GMDS: variants seen among roughly 807,000 people sequenced by gnomAD.
GMDS encodes GDP-mannose 4,6 dehydratase.
GMDS carries 20 observed loss-of-function variants against 49.9 expected under a neutral mutation model. The observed-to-expected ratio is 0.40, with a 90% confidence interval of 0.28 to 0.58. The LOEUF is 0.58. GMDS is among the 20% of genes least tolerant of loss of function. The pLI is 0.42. For synonymous variants in GMDS, 177 were observed against 178.6 expected (o/e 0.99, Z 0.07); for missense variants, 362 against 481.4 (o/e 0.75, Z 2.32).
chr6:1,746,041 T>C (rs1173127631), intron 7 of GMDS, among the ~76,000 whole-genome samples: 2 of 152,214 alleles, frequency 1.3e-5, no homozygotes, highest in Non-Finnish European at 2.9e-5. Context: ...ATGTGCTCCA[T>C]TGATTCCCTG....
chr6:2,021,799 G>C (rs1432928936), intron 4 of GMDS, among the ~76,000 whole-genome samples: 2 of 152,182 alleles, frequency 1.3e-5, no homozygotes, highest in Non-Finnish European at 2.9e-5. Context: ...CAATCGCTCT[G>C]TAAGGCGATA....
intron 4 of GMDS, among the ~76,000 whole-genome samples, chr6:2,096,335 T>C (rs1213801583): frequency 1.3e-5 from 2 of 152,214 alleles, no homozygotes; most frequent in Non-Finnish European, 2.9e-5. Flanking sequence ...AAATAAACTA[T>C]ATTTTATGAT....
intron 4 of GMDS, among the ~76,000 whole-genome samples, chr6:2,088,476 C>T (rs190609124): frequency 2.0e-5 from 3 of 152,340 alleles, no homozygotes; most frequent in African/African-American, 7.2e-5. Context: ...CTATCAACCT[C>T]ATCTTGCCTG....
rs541358622 is a variant in GMDS, at chr6:2,234,449, A to T, written c.102+10872T>A. 2.0e-5 allele frequency among the ~76,000 whole-genome samples: 3 copies of T among 152,164 alleles called. No homozygotes were observed. The East Asian group carries it at 5.8e-4, about 30-fold the overall frequency. On this transcript the variant is annotated intron_variant, in intron 1 of 10. Coordinates refer to ENST00000380815, the MANE Select transcript of GMDS (RefSeq NM_001500.4). ...GTGGTGAAACCCCATCTCTACTAAA[A>T]ATACAAAAAATTAGCTGGGCATGGT... is the stretch of plus-strand genomic sequence containing the variant.
At chr6:2,082,171 C>T (rs1374085832) in intron 4 of GMDS, among the ~76,000 whole-genome samples, 4 of 152,172 alleles carry the variant, frequency 2.6e-5, no homozygotes, top group South Asian at 2.1e-4. Context: ...TTTACACACA[C>T]GTGTGCGCAC....
chr6:1,675,094 C>T (rs1198784572), intron 9 of GMDS, among the ~76,000 whole-genome samples: 3 of 152,026 alleles, frequency 2.0e-5, no homozygotes, highest in Non-Finnish European at 4.4e-5. Context: ...TGCAACACCA[C>T]GCCTGGCTAA....
Position 1,644,006 on chromosome 6 carries a change from C to CG in GMDS, c.988-19467dup, listed in dbSNP as rs147861680. 7.6e-3 allele frequency among the ~76,000 whole-genome samples: 1,153 copies of CG among 152,234 alleles called. 16 individuals are homozygous for CG. Among genetic ancestry groups the CG allele is most frequent in the African/African-American group, 0.026 (1,086 of 41,542 alleles). ...GGGCGGACGGCCCTTACCCAGCCCC[C>CG]GTTGTCCCCAGACACCTCCCCTCTG... On this transcript the variant is annotated intron_variant, in intron 9 of 10. Coordinates refer to ENST00000380815, the MANE Select transcript of GMDS (RefSeq NM_001500.4).
chr6:1,848,780 G>A (rs1465765620), intron 7 of GMDS, among the ~76,000 whole-genome samples: 1 of 152,178 alleles, frequency 6.6e-6, no homozygotes, highest in African/African-American at 2.4e-5. Flanking sequence ...GCTGTTGAGG[G>A]TCCCATGAGT....
intron 9 of GMDS, among the ~76,000 whole-genome samples, chr6:1,689,064 A>T (rs1765081716): frequency 1.3e-5 from 2 of 152,228 alleles, no homozygotes; most frequent in Non-Finnish European, 2.9e-5. Flanking sequence ...TTTGGGCCAT[A>T]ATAAGCACCA....
intron 4 of GMDS, among the ~76,000 whole-genome samples, chr6:2,105,169 G>A (rs9392368): frequency 0.19 from 23,579 of 125,112 alleles, 2,432 homozygotes; most frequent in Middle Eastern, 0.31. Flanking sequence ...GTGACAGAGC[G>A]AGACTCCGTC....
chr6:1,734,169 A>T (rs1235993375), intron 8 of GMDS, among the ~76,000 whole-genome samples: 1 of 152,212 alleles, frequency 6.6e-6, no homozygotes, highest in African/African-American at 2.4e-5. Context: ...GCCTCCATCC[A>T]TGCCTAGAAT....
intron 4 of GMDS, among the ~76,000 whole-genome samples, chr6:2,078,530 G>A (rs966614234): frequency 2.6e-5 from 4 of 151,816 alleles, no homozygotes; most frequent in South Asian, 2.1e-4. Context: ...TGATCTAATC[G>A]TCATTCAGGA....
intron 7 of GMDS, among the ~76,000 whole-genome samples, chr6:1,904,979 G>T (rs1358901519): frequency 6.6e-6 from 1 of 152,174 alleles, no homozygotes; most frequent in Non-Finnish European, 1.5e-5. Flanking sequence ...AAGAGGGGAA[G>T]CAGAAGAAAG....
At position 1,855,978 on chromosome 6, in the gene GMDS, G is replaced by C. The variant is rs76132361; in HGVS notation, c.771+74125C>G. ...TTATAAATACATATTCATACAGACA[G>C]TGTGTCTGTGTACCTAATCTCTCAA... On this transcript the variant is annotated intron_variant, in intron 7 of 10. Coordinates refer to ENST00000380815, the MANE Select transcript of GMDS (RefSeq NM_001500.4). Among the ~76,000 whole-genome samples, 1,081 of 152,252 alleles carry C rather than the reference G, an allele frequency of 7.1e-3. 12 individuals carry two copies. The highest frequency in any genetic ancestry group is 0.024 in the African/African-American group (1,015 of 41,536).
At chr6:1,769,199 T>G (rs903464074) in intron 7 of GMDS, among the ~76,000 whole-genome samples, 1 of 152,222 alleles carries the variant, frequency 6.6e-6, no homozygotes, top group Admixed American at 6.5e-5. Context: ...TAACTGACAC[T>G]AATAGAACTG....
chr6:1,773,271 C>A (rs992077175), intron 7 of GMDS, among the ~76,000 whole-genome samples: 7 of 150,782 alleles, frequency 4.6e-5, no homozygotes, highest in Non-Finnish European at 8.8e-5. Context: ...TCTCCAAGGT[C>A]TTTCTCAATA....
intron 7 of GMDS, among the ~76,000 whole-genome samples, chr6:1,811,157 T>C (rs1370449531): frequency 3.9e-5 from 6 of 152,368 alleles, no homozygotes; most frequent in Non-Finnish European, 8.8e-5. Flanking sequence ...AAGACAATGC[T>C]GTGCTGAGTA....
intron 1 of GMDS, among the ~76,000 whole-genome samples, chr6:2,155,646 C>T (rs901542306): frequency 1.3e-5 from 2 of 152,098 alleles, no homozygotes; most frequent in Admixed American, 1.3e-4. Flanking sequence ...AATTCAGGCA[C>T]CACGTTCACA....
At chr6:1,840,702 G>A (rs576361522) in intron 7 of GMDS, among the ~76,000 whole-genome samples, 6 of 152,168 alleles carry the variant, frequency 3.9e-5, no homozygotes, top group African/African-American at 9.7e-5. Context: ...AGTGGAGACC[G>A]GGCTCTGGTG....
Sources: allele counts gnomAD v4.1 joint callset (sites outside exome capture counted in the v4.1 genomes callset), GRCh38; gene constraint gnomAD v4.1.1; transcripts MANE v1.5; gene names NCBI Gene and HGNC (gene_info 2026-07-23, HGNC 2026-07-21).